The following SPAG16 variants were observed in gnomAD, a reference collection of about 807,000 sequenced individuals.
SPAG16 encodes the protein sperm-associated antigen 16 protein.
SPAG16 carries 86 observed loss-of-function variants against 80.4 expected under a neutral mutation model. The ratio of observed to expected loss-of-function variants is 1.07; its 90% CI spans 0.90 to 1.28. The LOEUF (loss-of-function observed/expected upper bound fraction) is 1.28. Among genes scored for constraint, SPAG16 ranks in the 50% most tolerant of loss-of-function variants. The pLI is 0.00. For synonymous variants in SPAG16, 294 were observed against 265.9 expected, an observed-to-expected ratio of 1.11 and a Z score of -1.03; for missense variants, 870 against 765.3, an observed-to-expected ratio of 1.14 and a Z score of -1.61.
At chr2:214,035,278 G>T (rs2048633507) in intron 13 of SPAG16, among the ~76,000 whole-genome samples, 1 of 152,140 alleles carries the variant, frequency 6.6e-6, no homozygotes, top group African/African-American at 2.4e-5. Context: ...GCGTCCATGG[G>T]CCCAGCAGCC....
intron 13 of SPAG16, among the ~76,000 whole-genome samples, chr2:214,092,426 A>C (rs866801717): frequency 1.3e-5 from 2 of 151,814 alleles, no homozygotes; most frequent in Admixed American, 1.3e-4. Flanking sequence ...CTTTTCATAC[A>C]TTTATTGTCC....
At chr2:213,423,128 C>T (rs567927274) in intron 9 of SPAG16, among the ~76,000 whole-genome samples, 18 of 152,304 alleles carry the variant, frequency 1.2e-4, no homozygotes, top group African/African-American at 4.3e-4. Flanking sequence ...AATCATTCTT[C>T]TCTCTGGATT....
chr2:213,963,340 C>A (rs781565579), intron 12 of SPAG16, among the ~76,000 whole-genome samples: 8 of 152,014 alleles, frequency 5.3e-5, no homozygotes, highest in Non-Finnish European at 1.2e-4. Context: ...TTTAAAATTT[C>A]TCAAATTTCA....
In SPAG16 at chr2:214,133,909, A is replaced by G. The variant is rs187961315; in HGVS notation, c.1594-15231A>G. Among the ~76,000 whole-genome samples the G allele has an allele frequency of 6.6e-5, 10 of 152,282 alleles. No homozygotes were observed. In the East Asian group the frequency reaches 1.9e-3, roughly 29 times the overall value. On this transcript the variant is annotated intron_variant, in intron 14 of 15. Coordinates refer to ENST00000331683, the MANE Select transcript of SPAG16 (RefSeq NM_024532.5). ...TGCAGCAGAAGGCTCAAGTTGAGGAAAAGATTAATTTGGCTTTGAACAGGA... is the reference window on the plus strand; with the variant it reads ...TGCAGCAGAAGGCTCAAGTTGAGGAGAAGATTAATTTGGCTTTGAACAGGA...
chr2:213,786,963 C>A (rs1472168906), intron 10 of SPAG16, among the ~76,000 whole-genome samples: 2 of 151,954 alleles, frequency 1.3e-5, no homozygotes, highest in African/African-American at 4.8e-5. Flanking sequence ...GGTATGGAAA[C>A]AAATGAAGGT....
Position 213,297,268 on chromosome 2 carries a change from G to T in SPAG16, c.190G>T (p.Asp64Tyr). The T allele has an allele frequency of 6.2e-7, 1 of 1,610,212 alleles. No homozygotes were observed. The highest frequency in any genetic ancestry group is 8.5e-7 in the Non-Finnish European group (1 of 1,177,396). ...EDDYEYEEIP[D>Y]DNFSIPEGEE... ...CTCTTTCTCTGTGATCTAGATACCA[G>T]ATGACAATTTTAGCATCCCAGAAGG... Residue 64 changes from aspartate to tyrosine, a missense_variant, in exon 3 of 16, where the codon GAT (aspartate) becomes TAT (tyrosine). Coordinates refer to ENST00000331683, the MANE Select transcript of SPAG16 (RefSeq NM_024532.5).
intron 10 of SPAG16, among the ~76,000 whole-genome samples, chr2:213,760,386 A>G (rs1462603622): frequency 6.6e-6 from 1 of 152,212 alleles, no homozygotes; most frequent in Non-Finnish European, 1.5e-5. Context: ...ACAAGTATAA[A>G]CATTTATGAA....
chr2:214,179,211 A>G (rs1191950030), intron 15 of SPAG16, among the ~76,000 whole-genome samples: 2 of 151,436 alleles, frequency 1.3e-5, no homozygotes, highest in Non-Finnish European at 1.5e-5. Context: ...TGTGATCTAA[A>G]AGATCCAATT....
At chr2:213,335,675 G>A (rs2064321992) in intron 5 of SPAG16, among the ~76,000 whole-genome samples, 2 of 152,128 alleles carry the variant, frequency 1.3e-5, no homozygotes, top group Admixed American at 1.3e-4. Flanking sequence ...GATTTTTCAA[G>A]ACTGAATGTT....
At chr2:214,339,429 G>T (rs1484527827) in intron 15 of SPAG16, among the ~76,000 whole-genome samples, 1 of 152,130 alleles carries the variant, frequency 6.6e-6, no homozygotes, top group Non-Finnish European at 1.5e-5. Context: ...TAGGCTGGAT[G>T]GGCCACCTGC....
intron 15 of SPAG16, among the ~76,000 whole-genome samples, chr2:214,246,513 T>C (rs1274993778): frequency 6.6e-6 from 1 of 152,134 alleles, no homozygotes; most frequent in South Asian, 2.1e-4. Context: ...GAAGCACTTA[T>C]GCTGGAACCC....
chr2:213,803,354 C>CA (rs959361646), intron 10 of SPAG16, among the ~76,000 whole-genome samples: 3 of 151,970 alleles, frequency 2.0e-5, no homozygotes, highest in Non-Finnish European at 4.4e-5. Context: ...AGGAGTGAGA[C>CA]AAAATATCTT....
intron 10 of SPAG16, among the ~76,000 whole-genome samples, chr2:213,759,031 C>T (rs550195474): frequency 1.1e-4 from 17 of 152,228 alleles, no homozygotes; most frequent in Admixed American, 3.9e-4. Context: ...TAAAGAAAAA[C>T]AAAAACAGAA....
At chr2:213,888,799 C>T (rs959342841) in intron 11 of SPAG16, among the ~76,000 whole-genome samples, 1 of 151,788 alleles carries the variant, frequency 6.6e-6, no homozygotes, top group African/African-American at 2.4e-5. Flanking sequence ...TAGTGAGATG[C>T]TCATTAGACT....
chr2:213,867,377 G>A (rs7423502), intron 11 of SPAG16, among the ~76,000 whole-genome samples: 90,388 of 152,012 alleles, frequency 0.59, 28,754 homozygotes, highest in South Asian at 0.85. Flanking sequence ...AAAAGTGGGA[G>A]CATAAACATA....
chr2:214,094,102 G>A (rs145186621), intron 13 of SPAG16, among the ~76,000 whole-genome samples: 115 of 152,154 alleles, frequency 7.6e-4, no homozygotes, highest in African/African-American at 2.6e-3. Flanking sequence ...AGCAGAATAC[G>A]CACAACTCTT....
At chr2:213,554,640 GCAA>G (rs1439893484) in intron 10 of SPAG16, among the ~76,000 whole-genome samples, 2 of 151,438 alleles carry the variant, frequency 1.3e-5, no homozygotes, top group African/African-American at 4.9e-5. Flanking sequence ...AAAATAATAA[GCAA>G]CAAAAATGAT....
In SPAG16 at chr2:213,350,544, G is replaced by A. The variant is rs141982737; in HGVS notation, c.661G>A (p.Ala221Thr). 2.6e-6 allele frequency: 4 copies of A among 1,565,890 alleles called. No individual in the cohort carries two copies. In the African/African-American group the frequency reaches 4.1e-5, roughly 16 times the overall value. Reference sequence around the variant, plus strand: ...TTTTTATAGGTTGAAGTTACATTATGCATCTTATGAACCGACTATAAGGGT... The same window carrying A: ...TTTTTATAGGTTGAAGTTACATTATACATCTTATGAACCGACTATAAGGGT... The part of the protein sequence containing the change: ...NDLKGLKLHY[A>T]SYEPTIRVLH... Residue 221 changes from alanine to threonine, a missense_variant, in exon 7 of 16, where the codon GCA becomes ACA. Coordinates refer to ENST00000331683, the MANE Select transcript of SPAG16 (RefSeq NM_024532.5).
chr2:213,635,884 C>T (rs2125096764), intron 10 of SPAG16, among the ~76,000 whole-genome samples: 1 of 152,274 alleles, frequency 6.6e-6, no homozygotes, highest in South Asian at 2.1e-4. Context: ...CAAAAATTTT[C>T]TTCCACTCTG....
Sources: gnomAD v4.1 joint callset for allele counts (sites outside exome capture counted in the v4.1 genomes callset) on GRCh38, gnomAD v4.1.1 for gene constraint, MANE v1.5 for transcripts, NCBI Gene and HGNC (gene_info 2026-07-23, HGNC 2026-07-21) for gene names.